The following ITGAM variants were observed in gnomAD, a reference collection of about 807,000 sequenced individuals.
The protein encoded by ITGAM is integrin subunit alpha M.
Under a neutral mutation model 137.5 loss-of-function variants are expected in ITGAM, and 79 were observed. That is an observed-to-expected ratio of 0.57 (90% CI 0.48 to 0.69). The LOEUF is 0.69. Ranked by LOEUF, ITGAM falls within the 30% of genes least tolerant of loss-of-function variation. The pLI is 0.00. For missense variants in ITGAM, 1,343 were observed against 1,483.5 expected (o/e 0.91, Z 1.56); for synonymous variants, 583 against 592.3 (o/e 0.98, Z 0.23).
In ITGAM at chr16:31,324,474, A is replaced by G; in HGVS notation, c.2078A>G (p.Glu693Gly). 1 of 1,584,034 alleles carries G rather than the reference A, an allele frequency of 6.3e-7. No homozygotes were observed. Among genetic ancestry groups the G allele is most frequent in the Non-Finnish European group, 8.6e-7 (1 of 1,165,514 alleles). Residue 693 changes from glutamate to glycine, a missense_variant, in exon 17 of 30, where the codon GAG becomes GGG. Glu to Gly is a moderately conservative substitution (Grantham distance 98). Coordinates refer to ENST00000544665, the MANE Select transcript of ITGAM (RefSeq NM_000632.4). The surrounding 1 kb of genome is among the most constrained non-coding windows in gnomAD (Gnocchi z 4.5). ...GRPHSRAVFN[E>G]TKNSTRRQTQ... The stretch of plus-strand genomic sequence containing the variant: ...CCACATTCCCGCGCCGTCTTCAATG[A>G]GACAAAGAACAGCACACGCAGACAG...
chr16:31,326,370 C>T (rs543570696), intron 21 of ITGAM, among the ~76,000 whole-genome samples: 7 of 152,184 alleles, frequency 4.6e-5, no homozygotes, highest in Middle Eastern at 3.4e-3. Flanking sequence ...TCATTCATGT[C>T]GTAGTATATG....
intron 12 of ITGAM, among the ~76,000 whole-genome samples, chr16:31,297,222 T>G (rs2144378786): frequency 6.6e-6 from 1 of 152,132 alleles, no homozygotes; most frequent in South Asian, 2.1e-4. Flanking sequence ...CAAGCTGGAG[T>G]GCAGTGGTGA....
At position 31,270,719 on chromosome 16, in the gene ITGAM, A is replaced by G. The variant is rs1305904380; in HGVS notation, c.428-235A>G. Among the ~76,000 whole-genome samples, 669 of 104,512 alleles carry G rather than the reference A, an allele frequency of 6.4e-3. 32 individuals are homozygous for G. The highest frequency in any genetic ancestry group is 0.02 in the African/African-American group (485 of 23,788). The allele number at this position is 104,512 out of a possible 152,430, so 68.6% of individuals were successfully genotyped here. On this transcript the variant is annotated intron_variant, in intron 5 of 29. Coordinates refer to ENST00000544665, the MANE Select transcript of ITGAM (RefSeq NM_000632.4). The stretch of plus-strand genomic sequence containing the variant: ...TGTGTGTATATATATATATATATAT[A>G]TATATATATATATATATATATATAT...
At chr16:31,272,122 G>A in intron 7 of ITGAM, 130 bp downstream of exon 7, 1 of 1,036,516 alleles carries the variant, frequency 9.6e-7, no homozygotes, top group Non-Finnish European at 1.5e-6. Flanking sequence ...TGGGGAGGCT[G>A]TGCGTGGTGT....
Position 31,321,353 on chromosome 16 carries a change from G to A in ITGAM, c.1820G>A (p.Gly607Glu). 3.1e-6 allele frequency: 5 copies of A among 1,613,992 alleles called. No homozygotes were observed. Among genetic ancestry groups the A allele is most frequent in the Non-Finnish European group, 2.5e-6 (3 of 1,179,904 alleles). ...GLVDLTVGAQ[G>E]HVLLLRSQPV... ...GTAGACCTGACTGTAGGAGCCCAGG[G>A]GCACGTGCTGCTGCTCAGGTGAGAA... The change falls in exon 15 of 30, where the codon GGG (glycine) becomes GAG (glutamate). Residue 607 changes from glycine (G) to glutamate (E), a missense_variant. Transcript: ENST00000544665.
At chr16:31,307,213 A>G (rs2080273864) in intron 14 of ITGAM, among the ~76,000 whole-genome samples, 2 of 152,158 alleles carry the variant, frequency 1.3e-5, no homozygotes, top group Admixed American at 6.5e-5. Context: ...TGGGGATGGC[A>G]TTGAATCTAT....
intron 14 of ITGAM, among the ~76,000 whole-genome samples, chr16:31,308,544 C>T (rs939788584): frequency 5.3e-5 from 8 of 152,030 alleles, no homozygotes; most frequent in Non-Finnish European, 1.2e-4. Context: ...TCTCTCTTTT[C>T]TTCTTTATTA....
At chr16:31,307,465 T>C (rs1234443622) in intron 14 of ITGAM, among the ~76,000 whole-genome samples, 1 of 152,216 alleles carries the variant, frequency 6.6e-6, no homozygotes, top group African/African-American at 2.4e-5. Flanking sequence ...TACTGGTGTG[T>C]AAGAATGCTT....
At chr16:31,270,729 A>G (rs571197159) in intron 5 of ITGAM, among the ~76,000 whole-genome samples, 45 of 110,358 alleles carry the variant, frequency 4.1e-4, no homozygotes, top group East Asian at 1.2e-3. Context: ...ATATATATAT[A>G]TATATATATA....
intron 8 of ITGAM, among the ~76,000 whole-genome samples, chr16:31,274,458 C>T (rs1383603954): frequency 1.3e-5 from 2 of 152,194 alleles, no homozygotes; most frequent in African/African-American, 2.4e-5. Flanking sequence ...TGAGCGACTG[C>T]GAGGTGTGAG....
At chr16:31,325,140 C>T (rs181444572) in intron 19 of ITGAM, 109 bp downstream of exon 19, 149 of 1,458,518 alleles carry the variant, frequency 1.0e-4, no homozygotes, top group Admixed American at 2.3e-4. Flanking sequence ...CTATAAGGTC[C>T]GGTGTGGCTG....
Position 31,332,814 on chromosome 16 carries a change from A to T in ITGAM, c.*1107A>T, listed in dbSNP as rs1470169335. On this transcript the variant is annotated 3_prime_UTR_variant, in exon 30 of 30. Transcript: ENST00000544665. ...TTAACCAGTCTTCTTTTGATATACT[A>T]TTTTCATTCTCTTGTTATTGCATCA... The T allele has an allele frequency of 6.6e-6, 1 of 152,126 alleles. No homozygotes were observed. 9.4% of individuals were successfully genotyped at this position (152,126 alleles called of 1,614,324 possible). A position where few individuals can be genotyped will look rare whatever the true frequency, so the allele number is the denominator to read the frequency against.
At chr16:31,293,824 G>C (rs1234416304) in intron 12 of ITGAM, among the ~76,000 whole-genome samples, 1 of 152,102 alleles carries the variant, frequency 6.6e-6, no homozygotes, top group Non-Finnish European at 1.5e-5. Flanking sequence ...AATTGCTTTG[G>C]GAAGTGTGTC....
Position 31,276,753 on chromosome 16 carries a change from C to A in ITGAM, c.1083+9C>A. On this transcript the variant is annotated intron_variant, in intron 10 of 29. Coordinates refer to ENST00000544665, the MANE Select transcript of ITGAM (RefSeq NM_000632.4). ...GCGCTGCCATCACCTCTGTAAGTGGCCCTTCATTAAATTGCGGGGGTGGGG... is the reference window on the plus strand; with the variant it reads ...GCGCTGCCATCACCTCTGTAAGTGGACCTTCATTAAATTGCGGGGGTGGGG... 6.2e-7 allele frequency: 1 copy of A among 1,607,484 alleles called. No homozygotes were observed. The highest frequency in any genetic ancestry group is 8.5e-7 in the Non-Finnish European group (1 of 1,176,214).
chr16:31,261,854 C>T (rs1392741661), intron 2 of ITGAM, 57 bp downstream of exon 2: 6 of 1,085,896 alleles, frequency 5.5e-6, no homozygotes, highest in Non-Finnish European at 8.2e-6. Flanking sequence ...GACTTACATA[C>T]CTGAAAAAAA....
chr16:31,331,530 C>CA, intron 29 of ITGAM, 106 bp from the exon 30 acceptor site: 1 of 661,466 alleles, frequency 1.5e-6, no homozygotes, highest in Non-Finnish European at 2.7e-6. Flanking sequence ...CCCCGCCCTC[C>CA]TGGGTCCCTT....
chr16:31,262,343 CCTTCCTTCCT>C (rs2079711836), intron 2 of ITGAM, among the ~76,000 whole-genome samples: 2 of 35,448 alleles, frequency 5.6e-5, no homozygotes, highest in Admixed American at 3.0e-4. Context: ...TTCCATCCTT[CCTTCCTTCCT>C]TCCTTCCTTC....
At chr16:31,285,088 G>A (rs766968708) in intron 12 of ITGAM, among the ~76,000 whole-genome samples, 5 of 152,104 alleles carry the variant, frequency 3.3e-5, no homozygotes, top group African/African-American at 4.8e-5. Context: ...ACAGGTCCAC[G>A]TGAGGGGGTC....
chr16:31,267,216 C>G lies in ITGAM; in HGVS notation c.427+1069C>G, dbSNP rs114671861. Among the ~76,000 whole-genome samples the G allele has an allele frequency of 8.2e-3, 1,244 of 152,194 alleles. 26 individuals carry two copies. The highest frequency in any genetic ancestry group is 0.029 in the African/African-American group (1,197 of 41,532). On this transcript the variant is annotated intron_variant, in intron 5 of 29. Coordinates refer to ENST00000544665, the MANE Select transcript of ITGAM (RefSeq NM_000632.4). ...CGTGGATCTTTCAAGCTGCTTTTTC[C>G]CACTGCTTTGTTCGATGGCTATGCC...
Sources: gnomAD v4.1 joint callset for allele counts (sites outside exome capture counted in the v4.1 genomes callset) on GRCh38, gnomAD v4.1.1 for gene constraint, Gnocchi (gnomAD v3.1) non-coding constraint, MANE v1.5 for transcripts, NCBI Gene and HGNC (gene_info 2026-07-23, HGNC 2026-07-21) for gene names.